CDK12: variants seen among roughly 807,000 people sequenced by gnomAD.
CDK12 encodes the protein cyclin-dependent kinase 12.
A neutral mutation model predicts 133.8 loss-of-function variants in CDK12; 17 were observed. The observed-to-expected ratio is 0.13, with a 90% confidence interval of 0.09 to 0.19. The LOEUF (loss-of-function observed/expected upper bound fraction) is 0.19, where lower values mean the gene tolerates loss of function less well. Among genes scored for constraint, CDK12 ranks in the 10% least tolerant of loss-of-function variants. The pLI is 1.00. For missense variants in CDK12, 1,508 were observed against 1,818.7 expected (o/e 0.83, Z 3.11); for synonymous variants, 694 against 683.6 (o/e 1.02, Z -0.24).
intron 1 of CDK12, among the ~76,000 whole-genome samples, chr17:39,469,596 C>G (rs1002215949): frequency 1.3e-5 from 2 of 151,392 alleles, no homozygotes; most frequent in African/African-American, 4.9e-5. Context: ...CTTTTAACTT[C>G]CTGATGGATA....
intron 2 of CDK12, among the ~76,000 whole-genome samples, chr17:39,489,985 C>T (rs993899037): frequency 7.3e-5 from 11 of 151,268 alleles, no homozygotes; most frequent in Non-Finnish European, 1.3e-4. Flanking sequence ...ATCTTAGGAA[C>T]GATATATTAA....
intron 1 of CDK12, among the ~76,000 whole-genome samples, chr17:39,465,123 G>T (rs2049205168): frequency 6.6e-6 from 1 of 151,930 alleles, no homozygotes; most frequent in Non-Finnish European, 1.5e-5. Flanking sequence ...GCGTGCGCCT[G>T]TAGTCCCAGC....
Position 39,463,082 on chromosome 17 carries a change from G to A in CDK12, c.1011G>A (p.Leu337=). 6.2e-7 allele frequency: 1 copy of A among 1,614,142 alleles called. No individual in the cohort carries two copies. The part of the protein sequence containing the change: ...YGRRRSSSPF[L]SKRSLSRSPL... ...GAAGGCGGTCCAGCAGCCCTTTCCT[G>A]AGCAAGCGGTCTCTGAGTCGGAGTC... Residue 337 remains leucine (L), a synonymous_variant, in exon 1 of 14, where the codon CTG becomes CTA. Transcript: ENST00000447079.
chr17:39,510,655 C>A (rs2053444353), intron 7 of CDK12, among the ~76,000 whole-genome samples: 1 of 150,980 alleles, frequency 6.6e-6, no homozygotes, highest in African/African-American at 2.4e-5. Flanking sequence ...CTCTTGTTGC[C>A]CAGGCTGGAG....
rs1013854795 is a variant in CDK12 at position 39,532,799 on chromosome 17, G to A, written c.*1483G>A. On this transcript the variant is annotated 3_prime_UTR_variant, in exon 14 of 14. Coordinates refer to ENST00000447079, the MANE Select transcript of CDK12 (RefSeq NM_016507.4). The stretch of plus-strand genomic sequence containing the variant: ...ACAGGAAATGAAAAAGGGAAGGGCT[G>A]TCAGGATGGGATAATTTGGGAGGCT... The A allele has an allele frequency of 2.1e-5, 5 of 232,702 alleles. No homozygotes were observed. Among genetic ancestry groups the A allele is most frequent in the African/African-American group, 1.1e-4 (5 of 45,300 alleles). 14.4% of individuals were successfully genotyped at this position (232,702 alleles called of 1,614,324 possible). A position where few individuals can be genotyped will look rare whatever the true frequency, so the allele number is the denominator to read the frequency against.
In CDK12 at chr17:39,532,237, CTT is replaced by C; in HGVS notation, c.*927_*928del. On this transcript the variant is annotated 3_prime_UTR_variant, in exon 14 of 14. Transcript: ENST00000447079. The stretch of plus-strand genomic sequence containing the variant: ...CCCAAGAACCTGGGATAATTCTTTA[CTT>C]TTTTTGAAATAAAGGAAAGGAAATT... 4.3e-6 allele frequency: 1 copy of C among 232,130 alleles called. No individual in the cohort carries two copies. Among genetic ancestry groups the C allele is most frequent in the Non-Finnish European group, 8.5e-6 (1 of 117,554 alleles). The allele number at this position is 232,130 out of a possible 1,614,324, so 14.4% of individuals were successfully genotyped here.
chr17:39,561,780 CT>C (rs1347824691), intron 3 of CDK12, among the ~76,000 whole-genome samples: 1 of 152,108 alleles, frequency 6.6e-6, no homozygotes, highest in African/African-American at 2.4e-5. Context: ...TCACTTACAG[CT>C]GCAGAATCAG....
At chr17:39,508,713 G>A (rs2053289131) in intron 6 of CDK12, among the ~76,000 whole-genome samples, 1 of 152,048 alleles carries the variant, frequency 6.6e-6, no homozygotes, top group Non-Finnish European at 1.5e-5. Context: ...ACTGAGCAGA[G>A]GCCAGTCATG....
intron 13 of CDK12, among the ~76,000 whole-genome samples, chr17:39,528,844 C>T (rs1008195050): frequency 5.9e-5 from 9 of 152,172 alleles, no homozygotes; most frequent in Admixed American, 2.0e-4. Flanking sequence ...TAAAAATCCT[C>T]GTGTTCCATT....
chr17:39,481,633 GCTCTCT>G lies in CDK12; in HGVS notation c.1932-8851_1932-8846del, dbSNP rs58047556. Among the ~76,000 whole-genome samples the G allele has an allele frequency of 2.1e-3, 37 of 17,602 alleles. 2 individuals carry two copies. The highest frequency in any genetic ancestry group is 7.5e-3 in the Admixed American group (12 of 1,592). The allele number at this position is 17,602 out of a possible 152,430, so 11.5% of individuals were successfully genotyped here. On this transcript the variant is annotated intron_variant, in intron 2 of 13. Transcript: ENST00000447079. Reference sequence around the variant, plus strand: ...CACTTATGTGCTTGCTCGCTCGCGCGCTCTCTCTCTCTCTCTCTCTCTCTCTCTCTC... The same window carrying G: ...CACTTATGTGCTTGCTCGCTCGCGCGCTCTCTCTCTCTCTCTCTCTCTCTC...
chr17:39,490,652 C>G lies in CDK12; in HGVS notation c.2027C>G (p.Pro676Arg), dbSNP rs761195592. 3 of 1,613,026 alleles carry G rather than the reference C, an allele frequency of 1.9e-6. No homozygotes were observed. Among genetic ancestry groups the G allele is most frequent in the Non-Finnish European group, 1.7e-6 (2 of 1,179,056 alleles). ...GACCTTCCTCTCCCTCCAGAGCTCC[C>G]TGGTGGAGATCTGTCTCCCCCAGAC... ...LTDLPLPPEL[P>R]GGDLSPPDSP... The change falls in exon 3 of 14, where the codon CCT becomes CGT. Residue 676 changes from proline to arginine, a missense_variant. Pro to Arg is a moderately radical substitution (Grantham distance 103). Coordinates refer to ENST00000447079, the MANE Select transcript of CDK12 (RefSeq NM_016507.4).
chr17:39,526,059 A>G lies in CDK12; in HGVS notation c.3503A>G (p.Gln1168Arg). Reference sequence around the variant, plus strand: ...CTGACGGAAGCTACTTCCCAGCAGCAGGACTCAGAGACCATGGCCCCAGAG... The same window carrying G: ...CTGACGGAAGCTACTTCCCAGCAGCGGGACTCAGAGACCATGGCCCCAGAG... ...SALTEATSQQ[Q>R]DSETMAPEES... The change falls in exon 13 of 14, where the codon CAG becomes CGG. Residue 1168 changes from glutamine (Q) to arginine (R), a missense_variant. By Grantham distance (43) the Gln-to-Arg change is conservative (BLOSUM62 1). This residue lies in a region of CDK12 where 399 missense variants were observed against 469.6 expected (regional missense o/e 0.85). Coordinates refer to ENST00000447079, the MANE Select transcript of CDK12 (RefSeq NM_016507.4). 6.2e-7 allele frequency: 1 copy of G among 1,614,246 alleles called. No individual in the cohort carries two copies. The highest frequency in any genetic ancestry group is 8.5e-7 in the Non-Finnish European group (1 of 1,180,032).
intron 5 of CDK12, among the ~76,000 whole-genome samples, chr17:39,498,498 C>T (rs2052318973): frequency 6.6e-6 from 1 of 152,210 alleles, no homozygotes; most frequent in Admixed American, 6.6e-5. Context: ...GCTGGGATTA[C>T]AGGCGTGAGC....
At chr17:39,521,765 T>C (rs1360377233) in intron 11 of CDK12, among the ~76,000 whole-genome samples, 4 of 152,178 alleles carry the variant, frequency 2.6e-5, no homozygotes, top group African/African-American at 9.7e-5. Context: ...TTTCACCATG[T>C]TGGCCAAGGT....
At chr17:39,518,777 T>C (rs999575481) in intron 10 of CDK12, among the ~76,000 whole-genome samples, 1 of 152,120 alleles carries the variant, frequency 6.6e-6, no homozygotes, top group African/African-American at 2.4e-5. Flanking sequence ...CAGGCTGGTC[T>C]TGAACTCCTG....
chr17:39,531,710 G>T lies in CDK12; in HGVS notation c.*394G>T. On this transcript the variant is annotated 3_prime_UTR_variant, in exon 14 of 14. Coordinates refer to ENST00000447079, the MANE Select transcript of CDK12 (RefSeq NM_016507.4). ...TCTTTGATTTTTAAAGTTTTGGGGT[G>T]GGGGATTGTGTGTGGTTTCTTTCTT... is the stretch of plus-strand genomic sequence containing the variant. The T allele has an allele frequency of 4.1e-6, 1 of 246,516 alleles. No homozygotes were observed. Among genetic ancestry groups the T allele is most frequent in the Non-Finnish European group, 7.8e-6 (1 of 127,394 alleles). The allele number at this position is 246,516 out of a possible 1,614,324, so 15.3% of individuals were successfully genotyped here.
intron 2 of CDK12, among the ~76,000 whole-genome samples, chr17:39,485,151 C>T (rs1486082872): frequency 3.0e-5 from 4 of 135,172 alleles, no homozygotes; most frequent in Non-Finnish European, 4.6e-5. Flanking sequence ...GCCTGGGCGA[C>T]AGGGCGAGAC....
intron 6 of CDK12, among the ~76,000 whole-genome samples, chr17:39,509,474 G>A (rs1252924126): frequency 6.6e-6 from 1 of 151,966 alleles, no homozygotes; most frequent in African/African-American, 2.4e-5. Flanking sequence ...TATAATTGAA[G>A]TAGTCAAAAA....
At chr17:39,501,473 C>G (rs2146148205) in intron 6 of CDK12, 34 bp downstream of exon 6, 1 of 1,440,040 alleles carries the variant, frequency 6.9e-7, no homozygotes, top group South Asian at 1.2e-5. Flanking sequence ...TAAGCACTTT[C>G]CTCTTCTCCT....
Sources: allele counts gnomAD v4.1 joint callset (sites outside exome capture counted in the v4.1 genomes callset), GRCh38; gene constraint gnomAD v4.1.1; regional missense constraint gnomAD v4.1.1; transcripts MANE v1.5; gene names NCBI Gene and HGNC (gene_info 2026-07-23, HGNC 2026-07-21).